NYAP2: variants seen among roughly 807,000 people sequenced by gnomAD.
NYAP2 encodes neuronal tyrosine-phosphorylated phosphoinositide-3-kinase adaptor 2.
Under a neutral mutation model 50.4 loss-of-function variants are expected in NYAP2, and 23 were observed. That is an observed-to-expected ratio of 0.46 (90% CI 0.33 to 0.65). NYAP2 has a LOEUF of 0.65. Among genes scored for constraint, NYAP2 ranks in the 30% least tolerant of loss-of-function variants. NYAP2 has a pLI of 0.02. For missense variants in NYAP2, 885 were observed against 861.0 expected, an observed-to-expected ratio of 1.03 and a Z score of -0.35; for synonymous variants, 394 against 365.2, an observed-to-expected ratio of 1.08 and a Z score of -0.90.
At chr2:225,516,803 G>C (rs757332545) in intron 4 of NYAP2, among the ~76,000 whole-genome samples, 1 of 152,122 alleles carries the variant, frequency 6.6e-6, no homozygotes, top group African/African-American at 2.4e-5. Flanking sequence ...TCATTACAGA[G>C]CATATGTTTT....
the NYAP2 span, among the ~76,000 whole-genome samples, chr2:225,689,726 C>T: frequency 6.6e-6 from 1 of 150,932 alleles, no homozygotes; most frequent in Non-Finnish European, 1.5e-5. Flanking sequence ...TATAAGGGGA[C>T]AATTAAAGAA....
chr2:225,542,985 C>A (rs996366453), intron 4 of NYAP2, among the ~76,000 whole-genome samples: 2 of 151,910 alleles, frequency 1.3e-5, no homozygotes, highest in African/African-American at 4.8e-5. Context: ...CTTCATGGTT[C>A]AATCTTGGTA....
At chr2:225,421,404 A>G (rs1695212632) in intron 3 of NYAP2, among the ~76,000 whole-genome samples, 1 of 152,216 alleles carries the variant, frequency 6.6e-6, no homozygotes, top group Non-Finnish European at 1.5e-5. Flanking sequence ...TCTTTCAGCA[A>G]CTGGTATTTT....
intron 6 of NYAP2, among the ~76,000 whole-genome samples, chr2:225,628,039 A>G (rs1230835648): frequency 7.6e-6 from 1 of 131,756 alleles, no homozygotes; most frequent in Non-Finnish European, 1.6e-5. Flanking sequence ...TTGGAATAGG[A>G]TGAATGGTCT....
At chr2:225,615,486 G>T (rs775518838) in intron 5 of NYAP2, among the ~76,000 whole-genome samples, 12 of 152,130 alleles carry the variant, frequency 7.9e-5, no homozygotes, top group Non-Finnish European at 1.5e-4. Flanking sequence ...AGCTTTTAAA[G>T]GCCAGACATG....
At chr2:225,500,845 A>C (rs1690592091) in intron 3 of NYAP2, among the ~76,000 whole-genome samples, 2 of 152,210 alleles carry the variant, frequency 1.3e-5, no homozygotes, top group South Asian at 4.1e-4. Flanking sequence ...ATGAAATTTC[A>C]TGCCAGAAAT....
chr2:225,636,483 CT>C (rs5839116), intron 6 of NYAP2, among the ~76,000 whole-genome samples: 73,657 of 146,020 alleles, frequency 0.5, 19,098 homozygotes, highest in Admixed American at 0.65. Context: ...AATGTGCTTT[CT>C]TTTTTTTTTT....
chr2:225,431,034 A>C (rs756515000), intron 3 of NYAP2, among the ~76,000 whole-genome samples: 1 of 152,244 alleles, frequency 6.6e-6, no homozygotes, highest in Non-Finnish European at 1.5e-5. Context: ...GCTTGTTCAC[A>C]TATTCTCCAA....
intron 5 of NYAP2, among the ~76,000 whole-genome samples, chr2:225,590,252 T>TG (rs1692474363): frequency 6.6e-6 from 1 of 152,098 alleles, no homozygotes; most frequent in Non-Finnish European, 1.5e-5. Flanking sequence ...TTAGCAAGGG[T>TG]CCTTCCAGCA....
chr2:225,675,299 C>A, the NYAP2 span, among the ~76,000 whole-genome samples: 1 of 152,038 alleles, frequency 6.6e-6, no homozygotes, highest in Non-Finnish European at 1.5e-5. Context: ...CACCTCCCTC[C>A]CTTCCCCGTC....
At position 225,626,899 on chromosome 2, in the gene NYAP2, ATTCTGGTTAC is replaced by A; in HGVS notation, c.1619-16_1619-7del. The A allele has an allele frequency of 6.5e-7, 1 of 1,537,872 alleles. No homozygotes were observed. The highest frequency in any genetic ancestry group is 8.8e-7 in the Non-Finnish European group (1 of 1,132,378). On this transcript the variant is annotated splice_region_variant and splice_polypyrimidine_tract_variant and intron_variant, in intron 5 of 6. Coordinates refer to ENST00000636099, the Ensembl canonical transcript of NYAP2. ...CTTTACTCTTGTTTAACAGAATGTA[ATTCTGGTTAC>A]TACACAGAATCAACAGAGGAACTGA...
chr2:225,528,953 G>C (rs1259526752), intron 4 of NYAP2, among the ~76,000 whole-genome samples: 1 of 152,216 alleles, frequency 6.6e-6, no homozygotes, highest in African/African-American at 2.4e-5. Context: ...ACGAAGTGGA[G>C]AAAGGGCAGA....
chr2:225,665,569 G>A, the NYAP2 span, among the ~76,000 whole-genome samples: 2 of 148,222 alleles, frequency 1.3e-5, no homozygotes, highest in Non-Finnish European at 3.0e-5. Flanking sequence ...CCTTTCCCTA[G>A]CTCCTTTTTT....
chr2:225,497,476 A>G (rs1374596384), intron 3 of NYAP2, among the ~76,000 whole-genome samples: 4 of 152,212 alleles, frequency 2.6e-5, no homozygotes, highest in Non-Finnish European at 5.9e-5. Context: ...GACTTCAAAA[A>G]TGCCAGGGAG....
At chr2:225,688,366 T>C in the NYAP2 span, among the ~76,000 whole-genome samples, 2 of 152,182 alleles carry the variant, frequency 1.3e-5, no homozygotes, top group African/African-American at 2.4e-5. Context: ...TTCCTGAAAA[T>C]ACTCAGAAAA....
chr2:225,582,083 G>T lies in NYAP2; in HGVS notation c.666G>T (p.Leu222=). 10 of 1,614,048 alleles carry T rather than the reference G, an allele frequency of 6.2e-6. No homozygotes were observed. Among genetic ancestry groups the T allele is most frequent in the Non-Finnish European group, 8.5e-6 (10 of 1,179,900 alleles). Residue 222 remains leucine (L), a synonymous_variant, in exon 5 of 7, where the codon CTG becomes CTT. Transcript: ENST00000636099. The surrounding 1 kb of genome is among the most constrained non-coding windows in gnomAD (Gnocchi z 7.0). ...AGCATGGGCCCCGGAGGACGTCGCTGCCGCGGGACTCCTCCTTGTCCCAGA... is the reference window on the plus strand; with the variant it reads ...AGCATGGGCCCCGGAGGACGTCGCTTCCGCGGGACTCCTCCTTGTCCCAGA...
At chr2:225,510,777 G>A (rs1018200185) in intron 3 of NYAP2, among the ~76,000 whole-genome samples, 1 of 136,930 alleles carries the variant, frequency 7.3e-6, no homozygotes, top group East Asian at 2.2e-4. Flanking sequence ...ATGTTAATGT[G>A]TTTGTGTGTG....
At chr2:225,618,448 T>C (rs1315056747) in intron 5 of NYAP2, among the ~76,000 whole-genome samples, 1 of 152,226 alleles carries the variant, frequency 6.6e-6, no homozygotes, top group Non-Finnish European at 1.5e-5. Context: ...TATTACAATA[T>C]GGCAGGCTCC....
intron 4 of NYAP2, among the ~76,000 whole-genome samples, chr2:225,538,778 TTTTCTTTCTTTCTTTCTTTCTTTC>T (rs201335435): frequency 0.026 from 1,954 of 75,962 alleles, 30 homozygotes; most frequent in Non-Finnish European, 0.033. Context: ...TTTTCTTTTC[TTTTCTTTCTTTCTTTCTTTCTTTC>T]TTTCTTTCTT....
Sources: allele counts gnomAD v4.1 joint callset (sites outside exome capture counted in the v4.1 genomes callset), GRCh38; gene constraint gnomAD v4.1.1; non-coding constraint Gnocchi (gnomAD v3.1); transcripts MANE v1.5; gene names NCBI Gene and HGNC (gene_info 2026-07-23, HGNC 2026-07-21).